Variants in DYNC2I2 observed in about 807,000 individuals in gnomAD.
The protein encoded by DYNC2I2 is cytoplasmic dynein 2 intermediate chain 2.
A neutral mutation model predicts 52.0 loss-of-function variants in DYNC2I2; 39 were observed. The observed-to-expected ratio is 0.75, with a 90% CI of 0.58 to 0.98. The LOEUF (loss-of-function observed/expected upper bound fraction) is 0.98, where lower values mean the gene tolerates loss of function less well. Among genes scored for constraint, DYNC2I2 ranks in the 50% least tolerant of loss-of-function variants. The pLI is 0.00. For synonymous variants in DYNC2I2, 359 were observed against 321.1 expected (o/e 1.12, Z -1.26); for missense variants, 743 against 728.4 (o/e 1.02, Z -0.23).
At chr9:128,647,383 C>T (rs1230069021) in intron 1 of DYNC2I2, among the ~76,000 whole-genome samples, 1 of 152,104 alleles carries the variant, frequency 6.6e-6, no homozygotes, top group Non-Finnish European at 1.5e-5. Context: ...CTTCCTAGGC[C>T]ACTCTCAGAG....
At chr9:128,664,324 A>G in the DYNC2I2 span, among the ~76,000 whole-genome samples, 12 of 151,654 alleles carry the variant, frequency 7.9e-5, no homozygotes, top group Admixed American at 4.0e-4. Context: ...TCAAAAGCCA[A>G]CTCATTAGGG....
At chr9:128,641,022 T>C (rs1860506734) in intron 1 of DYNC2I2, 83 bp from the exon 2 acceptor site, 19 of 1,478,778 alleles carry the variant, frequency 1.3e-5, no homozygotes, top group Non-Finnish European at 1.6e-5. Context: ...CCCTCCTGCT[T>C]GACCCCCTCC....
At chr9:128,634,410 A>G (rs1386952300) in intron 7 of DYNC2I2, 27 bp from the exon 8 acceptor site, 3 of 1,556,348 alleles carry the variant, frequency 1.9e-6, no homozygotes, top group African/African-American at 1.4e-5. Flanking sequence ...GGGCCAGGCA[A>G]GGGAATCAGT....
At chr9:128,642,405 G>A (rs555062799) in intron 1 of DYNC2I2, among the ~76,000 whole-genome samples, 186 of 142,326 alleles carry the variant, frequency 1.3e-3, no homozygotes, top group Non-Finnish European at 2.3e-3. Context: ...GCACTGAGCC[G>A]AGATCATGCC....
chr9:128,655,456 A>C (rs1239411365), intron 1 of DYNC2I2, among the ~76,000 whole-genome samples: 2 of 144,476 alleles, frequency 1.4e-5, no homozygotes, highest in East Asian at 4.1e-4. Context: ...GCTTGCAGTG[A>C]GCAGAGATCG....
chr9:128,655,873 T>C (rs1860811916), intron 1 of DYNC2I2, among the ~76,000 whole-genome samples: 1 of 141,038 alleles, frequency 7.1e-6, no homozygotes, highest in Admixed American at 7.5e-5. Context: ...TTCGCGCCAC[T>C]GCACTCCAGC....
chr9:128,665,550 A>C, the DYNC2I2 span, among the ~76,000 whole-genome samples: 1 of 151,902 alleles, frequency 6.6e-6, no homozygotes, highest in Non-Finnish European at 1.5e-5. Context: ...CAGGTGGATC[A>C]CCGGAGGTCA....
At chr9:128,675,280 C>A in the DYNC2I2 span, among the ~76,000 whole-genome samples, 4 of 152,136 alleles carry the variant, frequency 2.6e-5, no homozygotes, top group South Asian at 8.3e-4. Context: ...TGGGTTCCAG[C>A]GATTCTCCTG....
chr9:128,656,208 CA>C (rs34359001), intron 1 of DYNC2I2, among the ~76,000 whole-genome samples: 27 of 136,360 alleles, frequency 2.0e-4, no homozygotes, highest in East Asian at 4.3e-4. Flanking sequence ...AGACCCTGTT[CA>C]AAAAAAAAAA....
chr9:128,660,724 TTTTA>T (rs952753550), upstream of DYNC2I2, among the ~76,000 whole-genome samples: 1 of 151,714 alleles, frequency 6.6e-6, no homozygotes. Flanking sequence ...TATTTTTATT[TTTTA>T]TTTATTTATT....
the DYNC2I2 span, chr9:128,683,892 C>T: frequency 1.9e-6 from 3 of 1,549,614 alleles, no homozygotes; most frequent in Non-Finnish European, 1.7e-6. Context: ...ACTTCCCTAA[C>T]AGCATGGCCC....
At chr9:128,644,116 C>T (rs1342309220) in intron 1 of DYNC2I2, among the ~76,000 whole-genome samples, 6 of 152,190 alleles carry the variant, frequency 3.9e-5, no homozygotes, top group Non-Finnish European at 7.3e-5. Context: ...CACTTCCAGG[C>T]ACTGTGCCAA....
chr9:128,654,474 G>A (rs1860778972), intron 1 of DYNC2I2, among the ~76,000 whole-genome samples: 1 of 151,820 alleles, frequency 6.6e-6, no homozygotes. Context: ...CCTCACCTGG[G>A]ACCACTCTTC....
chr9:128,678,756 C>G, the DYNC2I2 span, among the ~76,000 whole-genome samples: 2 of 151,650 alleles, frequency 1.3e-5, no homozygotes, highest in Non-Finnish European at 2.9e-5. Flanking sequence ...GCTACCGAGC[C>G]TGGCCAGGTA....
chr9:128,643,906 GGA>G (rs1427746722), intron 1 of DYNC2I2, among the ~76,000 whole-genome samples: 7 of 152,140 alleles, frequency 4.6e-5, no homozygotes, highest in South Asian at 2.1e-4. Flanking sequence ...ACAAAGCTCT[GGA>G]GAGTTTCTGA....
chr9:128,639,877 G>A (rs1002977623), intron 2 of DYNC2I2, among the ~76,000 whole-genome samples: 4 of 152,076 alleles, frequency 2.6e-5, no homozygotes, highest in African/African-American at 9.7e-5. Flanking sequence ...TGTTGGCCAG[G>A]CTGGTCTCGA....
chr9:128,649,105 G>A (rs774632824), intron 1 of DYNC2I2, among the ~76,000 whole-genome samples: 2 of 152,152 alleles, frequency 1.3e-5, no homozygotes, highest in Non-Finnish European at 2.9e-5. Flanking sequence ...GGTGATGACT[G>A]TGCACTGGAA....
At chr9:128,683,063 C>T in the DYNC2I2 span, among the ~76,000 whole-genome samples, 2 of 151,198 alleles carry the variant, frequency 1.3e-5, no homozygotes, top group Non-Finnish European at 2.9e-5. Context: ...GGCACGATCT[C>T]GGCTCACTGC....
the DYNC2I2 span, among the ~76,000 whole-genome samples, chr9:128,666,384 A>G: frequency 4.4e-5 from 6 of 135,978 alleles, no homozygotes; most frequent in South Asian, 2.3e-4. Context: ...CCTGTCTCAG[A>G]AAAAAAAAAA....
Sources: allele counts gnomAD v4.1 joint callset (sites outside exome capture counted in the v4.1 genomes callset), GRCh38; gene constraint gnomAD v4.1.1; transcripts MANE v1.5; gene names NCBI Gene and HGNC (gene_info 2026-07-23, HGNC 2026-07-21).